The following PECAM1 variants were observed in gnomAD, a reference collection of about 807,000 sequenced individuals.
The protein encoded by PECAM1 is platelet endothelial cell adhesion molecule.
In PECAM1, 8 loss-of-function variants were observed where a neutral mutation model predicts 13.8. The observed-to-expected ratio is 0.58, with a 90% CI of 0.34 to 1.05. The LOEUF is 1.05. Among genes scored for constraint, PECAM1 ranks in the 50% least tolerant of loss-of-function variants. The pLI is 0.03. For missense variants in PECAM1, 304 were observed against 141.2 expected (o/e 2.15, Z -5.84); for synonymous variants, 136 against 52.6 (o/e 2.58, Z -6.86).
intron 2 of PECAM1, among the ~76,000 whole-genome samples, chr17:64,385,597 T>A (rs1229115796): frequency 1.3e-5 from 2 of 152,126 alleles, no homozygotes; most frequent in Non-Finnish European, 2.9e-5. Flanking sequence ...CGAGAACCTG[T>A]GCCAGGTGCT....
intron 14 of PECAM1, among the ~76,000 whole-genome samples, chr17:64,341,382 G>A (rs1037003411): frequency 7.2e-5 from 11 of 152,214 alleles, no homozygotes; most frequent in Non-Finnish European, 1.5e-5. Flanking sequence ...GGCCTGTGTG[G>A]GGAGCAGGTA....
chr17:64,369,743 G>A lies in PECAM1; in HGVS notation c.967+7C>T. ...ATGCCAACACCCTCCCGCAGCAGCAGCCCTACCTGTTATGTTGACCACGAT... is the reference window on the plus strand; with the variant it reads ...ATGCCAACACCCTCCCGCAGCAGCAACCCTACCTGTTATGTTGACCACGAT... On this transcript the variant is annotated splice_region_variant and intron_variant, in intron 5 of 15. Coordinates refer to ENST00000563924, the MANE Select transcript of PECAM1 (RefSeq NM_000442.5). 2.5e-6 allele frequency: 1 copy of A among 398,718 alleles called. No homozygotes were observed. 24.7% of individuals were successfully genotyped at this position (398,718 alleles called of 1,614,324 possible). A position where few individuals can be genotyped will look rare whatever the true frequency, so the allele number is the denominator to read the frequency against.
intron 14 of PECAM1, among the ~76,000 whole-genome samples, chr17:64,341,254 A>C (rs1303469829): frequency 6.6e-6 from 1 of 150,578 alleles, no homozygotes; most frequent in African/African-American, 2.5e-5. Context: ...ACAGAGCGAG[A>C]CTCCATATCC....
chr17:64,371,389 C>G (rs2143851676), intron 4 of PECAM1, among the ~76,000 whole-genome samples: 2 of 152,272 alleles, frequency 1.3e-5, no homozygotes, highest in South Asian at 4.1e-4. Flanking sequence ...ATTAAAGGCT[C>G]AGCTAGGGGC....
At chr17:64,361,571 T>C (rs1184415994) in intron 6 of PECAM1, among the ~76,000 whole-genome samples, 2 of 151,792 alleles carry the variant, frequency 1.3e-5, no homozygotes, top group Non-Finnish European at 2.9e-5. Context: ...CTGACCAATG[T>C]AGAGAAACCC....
At chr17:64,358,627 C>T (rs2035902105) in intron 7 of PECAM1, among the ~76,000 whole-genome samples, 1 of 152,150 alleles carries the variant, frequency 6.6e-6, no homozygotes, top group South Asian at 2.1e-4. Flanking sequence ...GTTCACGTGA[C>T]AACCAAACAT....
At chr17:64,346,285 G>A (rs906264954) in intron 13 of PECAM1, among the ~76,000 whole-genome samples, 1 of 152,170 alleles carries the variant, frequency 6.6e-6, no homozygotes, top group South Asian at 2.1e-4. Context: ...GACCCCCGGG[G>A]ACTGTGTACT....
chr17:64,384,770 A>G (rs2036557807), intron 2 of PECAM1, among the ~76,000 whole-genome samples: 1 of 152,242 alleles, frequency 6.6e-6, no homozygotes, highest in South Asian at 2.1e-4. Flanking sequence ...ACCCTCAGAA[A>G]CTTCAGGATA....
intron 13 of PECAM1, among the ~76,000 whole-genome samples, chr17:64,342,440 C>T (rs1422529948): frequency 6.6e-6 from 1 of 152,154 alleles, no homozygotes; most frequent in Admixed American, 6.5e-5. Flanking sequence ...ACCCCGGGAT[C>T]CAGAACGAGA....
chr17:64,382,865 C>A lies in PECAM1; in HGVS notation c.92-4748G>T, dbSNP rs1056530453. 2.2e-3 allele frequency among the ~76,000 whole-genome samples: 336 copies of A among 151,878 alleles called. 1 individual carries two copies. The highest frequency in any genetic ancestry group is 7.6e-3 in the African/African-American group (314 of 41,452). On this transcript the variant is annotated intron_variant, in intron 2 of 15. Coordinates refer to ENST00000563924, the MANE Select transcript of PECAM1 (RefSeq NM_000442.5). ...CAGCCTCCTGGCTAACATGGTGAAA[C>A]CCCATCTCTATTAAAGATACAAAAA...
intron 14 of PECAM1, among the ~76,000 whole-genome samples, chr17:64,329,972 T>C (rs1223674179): frequency 1.4e-5 from 2 of 145,434 alleles, no homozygotes; most frequent in African/African-American, 2.7e-5. Flanking sequence ...TTATTTTTTA[T>C]TTTTTGAGAC....
chr17:64,327,751 C>T (rs1247855752), intron 15 of PECAM1, among the ~76,000 whole-genome samples: 4 of 152,138 alleles, frequency 2.6e-5, no homozygotes, highest in African/African-American at 9.7e-5. Flanking sequence ...GCAAGTCAAA[C>T]AATACCAAAT....
At position 64,375,206 on chromosome 17, in the gene PECAM1, C is replaced by T. The variant is rs1177284411; in HGVS notation, c.536G>A (p.Arg179Lys). 4 of 475,266 alleles carry T rather than the reference C, an allele frequency of 8.4e-6. No homozygotes were observed. Among genetic ancestry groups the T allele is most frequent in the Non-Finnish European group, 1.5e-5 (4 of 259,060 alleles). The allele number at this position is 475,266 out of a possible 1,614,324, so 29.4% of individuals were successfully genotyped here. ...ELNEKMVKLK[R>K]EKNSRDQNFV... ...ATTCTGGTCTCGAGAATTCTTCTCT[C>T]TTTTCAGCTTGACCATTTTTTCATT... The change falls in exon 4 of 16, where the codon AGA (arginine) becomes AAA (lysine). Residue 179 changes from arginine to lysine, a missense_variant. Arg to Lys is a conservative substitution (Grantham distance 26). Transcript: ENST00000563924.
chr17:64,381,920 G>A (rs2036489963), intron 2 of PECAM1, among the ~76,000 whole-genome samples: 1 of 152,088 alleles, frequency 6.6e-6, no homozygotes, highest in Non-Finnish European at 1.5e-5. Context: ...GGCCAACATG[G>A]TGAAACCTCA....
rs9892243 is a variant in PECAM1 at position 64,327,824 on chromosome 17, C to T, written c.2187+1876G>A. On this transcript the variant is annotated intron_variant, in intron 15 of 15. Transcript: ENST00000563924. ...TTTCCTCCAATGTTTTCAGAGGCAACGGCCATTAAACAACTGGGAATGATC... is the reference window on the plus strand; with the variant it reads ...TTTCCTCCAATGTTTTCAGAGGCAATGGCCATTAAACAACTGGGAATGATC... Among the ~76,000 whole-genome samples the T allele has an allele frequency of 5.7e-3, 868 of 152,296 alleles. 4 individuals carry two copies. Among genetic ancestry groups the T allele is most frequent in the African/African-American group, 0.019 (782 of 41,560 alleles).
chr17:64,344,296 C>T (rs1258130489), intron 13 of PECAM1, among the ~76,000 whole-genome samples: 2 of 152,188 alleles, frequency 1.3e-5, no homozygotes, highest in South Asian at 2.1e-4. Context: ...ACCTCTCCTC[C>T]CCACCCACTC....
At chr17:64,324,106 A>G (rs1229232444) in intron 15 of PECAM1, among the ~76,000 whole-genome samples, 1 of 152,146 alleles carries the variant, frequency 6.6e-6, no homozygotes, top group East Asian at 1.9e-4. Context: ...ACTTAATACA[A>G]CACCCACCAG....
intron 15 of PECAM1, among the ~76,000 whole-genome samples, chr17:64,324,924 C>G (rs1200716287): frequency 1.3e-5 from 2 of 152,200 alleles, no homozygotes; most frequent in Non-Finnish European, 2.9e-5. Context: ...AGTGGCTGCT[C>G]TGCCTATGGA....
chr17:64,345,026 A>AT (rs1406727898), intron 13 of PECAM1, among the ~76,000 whole-genome samples: 4 of 152,078 alleles, frequency 2.6e-5, no homozygotes, highest in African/African-American at 4.8e-5. Flanking sequence ...TTATTTTTAA[A>AT]TTTTTTGTAG....
Sources: gnomAD v4.1 joint callset for allele counts (sites outside exome capture counted in the v4.1 genomes callset) on GRCh38, gnomAD v4.1.1 for gene constraint, MANE v1.5 for transcripts, NCBI Gene and HGNC (gene_info 2026-07-23, HGNC 2026-07-21) for gene names.